The following FAM20B variants were observed in gnomAD, a reference collection of about 807,000 sequenced individuals.
The protein encoded by FAM20B is glycosaminoglycan xylosylkinase.
In FAM20B, 23 loss-of-function variants were observed where a neutral mutation model predicts 43.8. The observed-to-expected ratio is 0.53, with a 90% CI of 0.38 to 0.74. FAM20B has a LOEUF of 0.74. FAM20B is among the 30% of genes least tolerant of loss of function. FAM20B has a pLI of 0.00. For missense variants in FAM20B, 440 were observed against 510.5 expected, an observed-to-expected ratio of 0.86 and a Z score of 1.33; for synonymous variants, 178 against 192.4, an observed-to-expected ratio of 0.93 and a Z score of 0.62.
chr1:179,031,183 G>A (rs537268678), intron 1 of FAM20B, among the ~76,000 whole-genome samples: 6 of 152,176 alleles, frequency 3.9e-5, no homozygotes, highest in Non-Finnish European at 8.8e-5. Context: ...TTGTAATGCC[G>A]TATTTCAACA....
chr1:179,048,465 G>A (rs1446136032), intron 2 of FAM20B, among the ~76,000 whole-genome samples: 1 of 152,164 alleles, frequency 6.6e-6, no homozygotes, highest in Non-Finnish European at 1.5e-5. Flanking sequence ...ACTCTGCGCA[G>A]CCTTTAGATG....
At position 179,028,456 on chromosome 1, in the gene FAM20B, C is replaced by T. The variant is rs549891721; in HGVS notation, c.-134+2358C>T. ...AATTAGCTGTGCATGGTGGTGCACG[C>T]CTGTAGTCCCAGCTACTCAGGAGGC... On this transcript the variant is annotated intron_variant, in intron 1 of 7. Coordinates refer to ENST00000263733, the MANE Select transcript of FAM20B (RefSeq NM_014864.4). Among the ~76,000 whole-genome samples the T allele has an allele frequency of 1.5e-4, 23 of 152,312 alleles. No individual in the cohort carries two copies. In the South Asian group the frequency reaches 4.8e-3, roughly 32 times the overall value.
chr1:179,043,913 T>G lies in FAM20B; in HGVS notation c.66T>G (p.Val22=), dbSNP rs1198426419. 2 of 1,611,358 alleles carry G rather than the reference T, an allele frequency of 1.2e-6. No individual in the cohort carries two copies. The highest frequency in any genetic ancestry group is 3.3e-5 in the Admixed American group (2 of 59,940). ...TTGTCATTTTTATCTTCACCAAAGT[T>G]TTCCTGATTGACAACTTAGATACAT... ...ILLVIFIFTK[V]FLIDNLDTSA... is the part of the protein sequence containing the mutation. The change falls in exon 2 of 8, where the codon GTT becomes GTG. Residue 22 remains valine (V), a synonymous_variant. Coordinates refer to ENST00000263733, the MANE Select transcript of FAM20B (RefSeq NM_014864.4).
At chr1:179,023,524 C>A (rs1488008760), upstream of FAM20B, among the ~76,000 whole-genome samples, 1 of 152,180 alleles carries the variant, frequency 6.6e-6, no homozygotes, top group Admixed American at 6.5e-5. Flanking sequence ...AGAATGGGAA[C>A]CAGGCTTTCT....
intron 6 of FAM20B, among the ~76,000 whole-genome samples, chr1:179,066,533 T>C (rs111552443): frequency 5.9e-5 from 9 of 152,274 alleles, no homozygotes; most frequent in South Asian, 4.1e-4. Flanking sequence ...TTACCATAGT[T>C]ATGCTCCAGC....
chr1:179,063,105 T>A (rs1651542647), intron 4 of FAM20B, among the ~76,000 whole-genome samples: 1 of 152,132 alleles, frequency 6.6e-6, no homozygotes, highest in Non-Finnish European at 1.5e-5. Flanking sequence ...GGTGAAACCC[T>A]GTCTCTACTA....
intron 1 of FAM20B, among the ~76,000 whole-genome samples, chr1:179,028,029 C>A (rs775488483): frequency 6.6e-6 from 1 of 152,168 alleles, no homozygotes; most frequent in Non-Finnish European, 1.5e-5. Context: ...CTTATCTCTT[C>A]TGAATTTTAA....
At position 179,072,719 on chromosome 1, in the gene FAM20B, T is replaced by C. The variant is rs112020970; in HGVS notation, c.*575T>C. On this transcript the variant is annotated 3_prime_UTR_variant, in exon 8 of 8. Coordinates refer to ENST00000263733, the MANE Select transcript of FAM20B (RefSeq NM_014864.4). ...GGGAAGGACAAAAACAGAAAAATGT[T>C]TGGGCTTTTAAGCCATTGGGTAGTA... 2,243 of 152,772 alleles carry C rather than the reference T, an allele frequency of 0.015. 43 individuals carry two copies. The highest frequency in any genetic ancestry group is 0.049 in the African/African-American group (2,026 of 41,548). 9.5% of individuals were successfully genotyped at this position (152,772 alleles called of 1,614,324 possible). A position where few individuals can be genotyped will look rare whatever the true frequency, so the allele number is the denominator to read the frequency against.
chr1:179,038,399 G>A (rs1285420431), intron 1 of FAM20B, among the ~76,000 whole-genome samples: 6 of 126,624 alleles, frequency 4.7e-5, no homozygotes, highest in Admixed American at 8.5e-5. Context: ...CAACACAAGC[G>A]AAACTGCATC....
At chr1:179,062,309 ATACACACAAGATACATCTG>A (rs1381069771) in intron 4 of FAM20B, among the ~76,000 whole-genome samples, 3 of 152,156 alleles carry the variant, frequency 2.0e-5, no homozygotes, top group Admixed American at 2.0e-4. Context: ...GTGTGCATAC[ATACACACAAGATACATCTG>A]TATCTTTTTC....
intron 1 of FAM20B, among the ~76,000 whole-genome samples, chr1:179,026,535 C>T (rs568660215): frequency 6.6e-6 from 1 of 152,094 alleles, no homozygotes; most frequent in African/African-American, 2.4e-5. Context: ...CCCGTTGAGG[C>T]AGCCCAGGGA....
chr1:179,041,811 A>G (rs12066589), intron 1 of FAM20B, among the ~76,000 whole-genome samples: 10,034 of 152,214 alleles, frequency 0.066, 923 homozygotes, highest in African/African-American at 0.21. Flanking sequence ...TTGTCTTACC[A>G]GAATGAGAAC....
intron 1 of FAM20B, among the ~76,000 whole-genome samples, chr1:179,027,198 GTA>G (rs1170614100): frequency 6.6e-6 from 1 of 152,106 alleles, no homozygotes; most frequent in Non-Finnish European, 1.5e-5. Context: ...CTATAATCTG[GTA>G]CAAATTACTA....
chr1:179,020,586 A>G, the FAM20B span, among the ~76,000 whole-genome samples: 1 of 152,226 alleles, frequency 6.6e-6, no homozygotes, highest in African/African-American at 2.4e-5. Context: ...TTTGCCCTAT[A>G]AAGATGACAA....
At chr1:179,062,043 G>C (rs1651485887) in intron 4 of FAM20B, among the ~76,000 whole-genome samples, 1 of 151,328 alleles carries the variant, frequency 6.6e-6, no homozygotes, top group South Asian at 2.1e-4. Flanking sequence ...GTTTTGCTCT[G>C]TCTCCCAGGC....
the FAM20B span, among the ~76,000 whole-genome samples, chr1:179,020,154 TACACACACACACACACAC>T: frequency 8.1e-5 from 12 of 148,606 alleles, no homozygotes; most frequent in Non-Finnish European, 1.2e-4. Flanking sequence ...TGTGTGTGTA[TACACACACACACACACAC>T]ACACACACAC....
chr1:179,022,873 T>C (rs1354738746), upstream of FAM20B, among the ~76,000 whole-genome samples: 1 of 152,186 alleles, frequency 6.6e-6, no homozygotes, highest in African/African-American at 2.4e-5. Context: ...AAGGAAAGCA[T>C]GTGCAGTTGT....
At chr1:179,036,509 G>A (rs1650234105) in intron 1 of FAM20B, among the ~76,000 whole-genome samples, 1 of 152,184 alleles carries the variant, frequency 6.6e-6, no homozygotes, top group South Asian at 2.1e-4. Context: ...TTCTGAGAAT[G>A]TTAGTGAGGT....
At chr1:179,044,933 T>C (rs1167130195) in intron 2 of FAM20B, among the ~76,000 whole-genome samples, 1 of 152,250 alleles carries the variant, frequency 6.6e-6, no homozygotes, top group Non-Finnish European at 1.5e-5. Context: ...GCATGAGAAT[T>C]CCTGTTGCTC....
Sources: allele counts gnomAD v4.1 joint callset (sites outside exome capture counted in the v4.1 genomes callset), GRCh38; gene constraint gnomAD v4.1.1; transcripts MANE v1.5; gene names NCBI Gene and HGNC (gene_info 2026-07-23, HGNC 2026-07-21).